The following SUPT3H variants were observed in gnomAD, a reference collection of about 807,000 sequenced individuals.
The protein encoded by SUPT3H is SPT3 homolog, SAGA and STAGA complex component, also known as transcription initiation protein SPT3 homolog.
A neutral mutation model predicts 44.3 loss-of-function variants in SUPT3H; 44 were observed. The ratio of observed to expected loss-of-function variants is 0.99; its 90% CI spans 0.78 to 1.28. The LOEUF (loss-of-function observed/expected upper bound fraction) is 1.28. Among genes scored for constraint, SUPT3H ranks in the 50% most tolerant of loss-of-function variants. The pLI is 0.00. For synonymous variants in SUPT3H, 124 were observed against 125.6 expected (o/e 0.99, Z 0.09); for missense variants, 380 against 387.1 (o/e 0.98, Z 0.15).
chr6:44,878,114 G>C lies in SUPT3H; in HGVS notation c.913-48257C>G, dbSNP rs927108873. 4.6e-5 allele frequency among the ~76,000 whole-genome samples: 7 copies of C among 152,326 alleles called. No homozygotes were observed. In the Middle Eastern group the frequency reaches 0.01, roughly 222 times the overall value. ...ACTGAACCCTAGCTGCCAGCATTTT[G>C]CTTTTAAGTCTAACAAATCCTAAGT... is the stretch of plus-strand genomic sequence containing the variant. On this transcript the variant is annotated intron_variant, in intron 10 of 10. Transcript: ENST00000371459.
intron 2 of SUPT3H, among the ~76,000 whole-genome samples, chr6:45,222,381 G>A (rs2153635999): frequency 6.6e-6 from 1 of 152,070 alleles, no homozygotes; most frequent in Middle Eastern, 3.4e-3. Context: ...AATGACAGAA[G>A]GCAGGAATGG....
intron 10 of SUPT3H, among the ~76,000 whole-genome samples, chr6:44,867,651 A>G (rs1395336050): frequency 6.6e-6 from 1 of 152,158 alleles, no homozygotes; most frequent in Non-Finnish European, 1.5e-5. Flanking sequence ...ACAAACCTGC[A>G]TGACACACAG....
intron 2 of SUPT3H, among the ~76,000 whole-genome samples, chr6:45,331,767 G>T (rs1787566208): frequency 6.6e-6 from 1 of 151,846 alleles, no homozygotes; most frequent in South Asian, 2.1e-4. Flanking sequence ...CACAAGGCAT[G>T]AAATATACAT....
rs765609500 is a variant in SUPT3H at position 45,365,321 on chromosome 6, A to G, written c.1-20T>C. ...ATTCATCTAAATAAAAAGGAGAAATAAAGCTTACAAAATGTACCTAGCTAT... is the reference window on the plus strand; with the variant it reads ...ATTCATCTAAATAAAAAGGAGAAATGAAGCTTACAAAATGTACCTAGCTAT... On this transcript the variant is annotated intron_variant, in intron 1 of 10. Transcript: ENST00000371459. 1 of 1,550,198 alleles carries G rather than the reference A, an allele frequency of 6.5e-7. No individual in the cohort carries two copies. The highest frequency in any genetic ancestry group is 1.1e-5 in the South Asian group (1 of 88,010).
At chr6:44,839,351 G>A (rs1770510500) in intron 10 of SUPT3H, among the ~76,000 whole-genome samples, 1 of 151,922 alleles carries the variant, frequency 6.6e-6, no homozygotes, top group African/African-American at 2.4e-5. Flanking sequence ...TCTCGCCCAG[G>A]CTAGAGTGAT....
intron 2 of SUPT3H, among the ~76,000 whole-genome samples, chr6:45,361,130 T>C: frequency 6.6e-6 from 1 of 152,142 alleles, no homozygotes; most frequent in South Asian, 2.1e-4. Context: ...TTTTTTAAAA[T>C]GCAAAAATTG....
At chr6:44,858,603 C>T (rs1774110965) in intron 10 of SUPT3H, among the ~76,000 whole-genome samples, 1 of 152,154 alleles carries the variant, frequency 6.6e-6, no homozygotes, top group Admixed American at 6.6e-5. Flanking sequence ...AAACTGTTGG[C>T]ATTCAATTGG....
chr6:45,275,650 T>G (rs891650425), intron 2 of SUPT3H, among the ~76,000 whole-genome samples: 1 of 152,186 alleles, frequency 6.6e-6, no homozygotes, highest in Non-Finnish European at 1.5e-5. Flanking sequence ...GCCTGTAATT[T>G]AGTTAATAGT....
chr6:44,838,034 C>T (rs1770242649), intron 10 of SUPT3H, among the ~76,000 whole-genome samples: 1 of 152,042 alleles, frequency 6.6e-6, no homozygotes, highest in African/African-American at 2.4e-5. Context: ...ATGGTCAACA[C>T]CAATTTGATT....
intron 2 of SUPT3H, among the ~76,000 whole-genome samples, chr6:45,287,303 C>T (rs188234760): frequency 1.6e-3 from 239 of 151,964 alleles, no homozygotes; most frequent in African/African-American, 5.4e-3. Flanking sequence ...TGGCTGATAT[C>T]GGTACTCTGA....
At chr6:45,254,029 A>G (rs1004639337) in intron 2 of SUPT3H, among the ~76,000 whole-genome samples, 1 of 151,564 alleles carries the variant, frequency 6.6e-6, no homozygotes, top group African/African-American at 2.4e-5. Flanking sequence ...ACCGAACAAC[A>G]AACAAATTCT....
At chr6:44,942,774 A>T (rs1301971141) in intron 9 of SUPT3H, among the ~76,000 whole-genome samples, 1 of 152,156 alleles carries the variant, frequency 6.6e-6, no homozygotes, top group Non-Finnish European at 1.5e-5. Context: ...ATGGTATGAA[A>T]TGCATGCAAT....
Position 45,099,351 on chromosome 6 carries a change from TAAA to T in SUPT3H, c.186+6568_186+6570del, listed in dbSNP as rs34067326. 394 of 149,518 alleles carry T rather than the reference TAAA, an allele frequency of 2.6e-3. 7 individuals are homozygous for T. The highest frequency in any genetic ancestry group is 8.7e-3 in the African/African-American group (354 of 40,860). 9.3% of individuals were successfully genotyped at this position (149,518 alleles called of 1,614,324 possible). ...AATCTTGGAATAAATGTGTTTTTCTTAAAAAAAAAAAAAAATCATACTGTAAAT... is the reference window on the plus strand; with the variant it reads ...AATCTTGGAATAAATGTGTTTTTCTTAAAAAAAAAAAATCATACTGTAAAT... On this transcript the variant is annotated intron_variant, in intron 3 of 10. Coordinates refer to ENST00000371459, the MANE Select transcript of SUPT3H (RefSeq NM_003599.4).
rs367689554 is a variant in SUPT3H, at chr6:45,113,133, T to C, written c.102-7127A>G. The stretch of plus-strand genomic sequence containing the variant: ...TTTTTTTTTCCGTTCAAAGCATTTT[T>C]TGATTACACTTTTATAGACTAGGTA... On this transcript the variant is annotated intron_variant, in intron 2 of 10. Transcript: ENST00000371459. Among the ~76,000 whole-genome samples the C allele has an allele frequency of 5.3e-5, 8 of 152,246 alleles. No individual in the cohort carries two copies. The South Asian group carries it at 1.2e-3, about 24-fold the overall frequency.
chr6:45,208,398 T>C (rs1263296479), intron 2 of SUPT3H, among the ~76,000 whole-genome samples: 7 of 152,110 alleles, frequency 4.6e-5, no homozygotes, highest in South Asian at 2.1e-4. Context: ...CAAGAAGATC[T>C]AACTAAGATC....
intron 2 of SUPT3H, among the ~76,000 whole-genome samples, chr6:45,293,694 G>A (rs1398840048): frequency 6.6e-6 from 1 of 152,052 alleles, no homozygotes; most frequent in African/African-American, 2.4e-5. Context: ...GACCCTTCAA[G>A]GCTACTATGA....
At chr6:44,946,385 TG>T (rs1289776387) in intron 9 of SUPT3H, among the ~76,000 whole-genome samples, 6 of 152,212 alleles carry the variant, frequency 3.9e-5, no homozygotes, top group Non-Finnish European at 8.8e-5. Context: ...ATTCCTCTGA[TG>T]GATCCAAGGA....
chr6:45,065,644 C>A (rs947883762), intron 3 of SUPT3H, among the ~76,000 whole-genome samples: 1 of 151,018 alleles, frequency 6.6e-6, no homozygotes, highest in African/African-American at 2.4e-5. Context: ...ACCGATCCCA[C>A]AGAAATACAA....
rs888390443 is a variant in SUPT3H at position 45,167,817 on chromosome 6, A to AT, written c.102-61812dup. ...GAAGTTCACTTCTTTATTTTCATTT[A>AT]TTTTTTTTTTTTAGACAGAGTTTCA... On this transcript the variant is annotated intron_variant, in intron 2 of 10. Coordinates refer to ENST00000371459, the MANE Select transcript of SUPT3H (RefSeq NM_003599.4). Among the ~76,000 whole-genome samples, 1,253 of 143,518 alleles carry AT rather than the reference A, an allele frequency of 8.7e-3. 20 individuals carry two copies. The highest frequency in any genetic ancestry group is 0.027 in the African/African-American group (1,080 of 39,612). 94.2% of individuals were successfully genotyped at this position (143,518 alleles called of 152,430 possible).
Sources: gnomAD v4.1 joint callset for allele counts (sites outside exome capture counted in the v4.1 genomes callset) on GRCh38, gnomAD v4.1.1 for gene constraint, MANE v1.5 for transcripts, NCBI Gene and HGNC (gene_info 2026-07-23, HGNC 2026-07-21) for gene names.